KLF15: variants seen among roughly 807,000 people sequenced by gnomAD.
KLF15 encodes the protein Krueppel-like factor 15.
In KLF15, 4 loss-of-function variants were observed where a neutral mutation model predicts 24.6. The ratio of observed to expected loss-of-function variants is 0.16; its 90% CI spans 0.08 to 0.37. The LOEUF (loss-of-function observed/expected upper bound fraction) is 0.37. Ranked by LOEUF, KLF15 falls within the 10% of genes least tolerant of loss-of-function variation. The pLI is 1.00. For missense variants in KLF15, 496 were observed against 560.6 expected (o/e 0.88, Z 1.16); for synonymous variants, 246 against 236.3 (o/e 1.04, Z -0.37).
chr3:126,333,455 C>T, the KLF15 span, among the ~76,000 whole-genome samples: 21 of 147,992 alleles, frequency 1.4e-4, no homozygotes, highest in African/African-American at 4.5e-4. Flanking sequence ...CAGTACCAGC[C>T]GCTGCAAAAT....
At chr3:126,296,331 C>T in the KLF15 span, among the ~76,000 whole-genome samples, 1 of 152,168 alleles carries the variant, frequency 6.6e-6, no homozygotes, top group South Asian at 2.1e-4. Flanking sequence ...CCTCAGCCTC[C>T]TGAGTAGCTG....
At chr3:126,300,348 G>A in the KLF15 span, among the ~76,000 whole-genome samples, 171 of 152,310 alleles carry the variant, frequency 1.1e-3, 1 homozygote, top group Middle Eastern at 3.4e-3. Flanking sequence ...GCTCAGGCTG[G>A]CCCTCGCAGG....
chr3:126,309,748 C>T, the KLF15 span, among the ~76,000 whole-genome samples: 1 of 152,124 alleles, frequency 6.6e-6, no homozygotes, highest in Non-Finnish European at 1.5e-5. Flanking sequence ...GATCCTGGTG[C>T]CTCTTGTAGC....
At chr3:126,329,905 T>G in the KLF15 span, among the ~76,000 whole-genome samples, 1 of 152,088 alleles carries the variant, frequency 6.6e-6, no homozygotes, top group Non-Finnish European at 1.5e-5. Flanking sequence ...ATAAAAGTTA[T>G]GAACTCTACT....
At chr3:126,313,272 C>T in the KLF15 span, among the ~76,000 whole-genome samples, 1 of 152,188 alleles carries the variant, frequency 6.6e-6, no homozygotes, top group East Asian at 1.9e-4. Flanking sequence ...GAATCCAACC[C>T]TGCTGACGCA....
intron 2 of KLF15, among the ~76,000 whole-genome samples, chr3:126,348,423 G>A (rs1252398942): frequency 1.3e-5 from 2 of 152,108 alleles, no homozygotes; most frequent in African/African-American, 4.8e-5. Context: ...GTGGGAGACT[G>A]GAGGCACACA....
the KLF15 span, among the ~76,000 whole-genome samples, chr3:126,307,912 C>T: frequency 6.6e-5 from 10 of 152,260 alleles, no homozygotes; most frequent in East Asian, 1.7e-3. Flanking sequence ...ACCTCCTTAG[C>T]CCCCCTTGTC....
intron 1 of KLF15, among the ~76,000 whole-genome samples, 177 bp downstream of exon 1, chr3:126,357,060 C>G (rs1488504906): frequency 1.3e-5 from 2 of 151,574 alleles, no homozygotes; most frequent in Admixed American, 6.6e-5. Context: ...CCGGGCCAGT[C>G]CGACCCCTGC....
downstream of KLF15, among the ~76,000 whole-genome samples, chr3:126,342,095 T>C (rs1348104132): frequency 6.6e-6 from 1 of 152,140 alleles, no homozygotes; most frequent in African/African-American, 2.4e-5. Context: ...TTAGGGACGA[T>C]GGAGGACAGG....
At chr3:126,312,037 G>C in the KLF15 span, among the ~76,000 whole-genome samples, 6 of 152,282 alleles carry the variant, frequency 3.9e-5, no homozygotes, top group Admixed American at 2.6e-4. Flanking sequence ...GACCAGGCAG[G>C]CTGCAATCCC....
chr3:126,323,491 T>TATAAC, the KLF15 span, among the ~76,000 whole-genome samples: 1 of 23,238 alleles, frequency 4.3e-5, no homozygotes, highest in African/African-American at 2.0e-4. Context: ...ATATATAACA[T>TATAAC]ATATATATAT....
the KLF15 span, among the ~76,000 whole-genome samples, chr3:126,333,762 G>C: frequency 8.0e-6 from 1 of 124,942 alleles, no homozygotes; most frequent in Non-Finnish European, 1.7e-5. Flanking sequence ...AAACGGCAGG[G>C]GTTGCAATCC....
the KLF15 span, among the ~76,000 whole-genome samples, chr3:126,332,170 T>C: frequency 0.061 from 9,313 of 152,060 alleles, 977 homozygotes; most frequent in African/African-American, 0.21. Context: ...TAAGTGTCCC[T>C]GTCTGACAGC....
At position 126,352,898 on chromosome 3, in the gene KLF15, C is replaced by A; in HGVS notation, c.25G>T (p.Asp9Tyr). 6.2e-7 allele frequency: 1 copy of A among 1,609,214 alleles called. No individual in the cohort carries two copies. Among genetic ancestry groups the A allele is most frequent in the Non-Finnish European group, 8.5e-7 (1 of 1,177,732 alleles). Residue 9 changes from aspartate to tyrosine, a missense_variant, in exon 2 of 3, where the codon GAC (aspartate) becomes TAC (tyrosine). Asp to Tyr is a radical substitution (Grantham distance 160). Transcript: ENST00000296233. The part of the protein sequence containing the change: MVDHLLPV[D>Y]ENFSSPKCPV... ...CATTTTGGCGACGAGAAGTTCTCGT[C>A]CACTGGAAGTAAGTGGTCCACCATG...
chr3:126,293,619 C>G, the KLF15 span, among the ~76,000 whole-genome samples: 333 of 152,238 alleles, frequency 2.2e-3, 1 homozygote, highest in African/African-American at 7.6e-3. Context: ...CTCAGGTAGC[C>G]CCTTCCATGC....
At chr3:126,346,319 C>A (rs1269848877) in intron 2 of KLF15, among the ~76,000 whole-genome samples, 1 of 147,148 alleles carries the variant, frequency 6.8e-6, no homozygotes, top group Non-Finnish European at 1.5e-5. Flanking sequence ...ATCTCACTGG[C>A]CAGGGAACCA....
the KLF15 span, among the ~76,000 whole-genome samples, chr3:126,321,115 C>T: frequency 6.6e-6 from 1 of 152,122 alleles, no homozygotes; most frequent in Non-Finnish European, 1.5e-5. Flanking sequence ...TCACATCTGG[C>T]TACACAGGCA....
the KLF15 span, among the ~76,000 whole-genome samples, chr3:126,289,575 C>T: frequency 6.6e-6 from 1 of 152,182 alleles, no homozygotes; most frequent in Admixed American, 6.5e-5. Flanking sequence ...ATAAAGGAAA[C>T]GAATTTAAAA....
the KLF15 span, among the ~76,000 whole-genome samples, chr3:126,298,398 C>T: frequency 4.7e-5 from 7 of 147,430 alleles, no homozygotes; most frequent in Non-Finnish European, 1.0e-4. Flanking sequence ...TCCCACTTTG[C>T]GGGTTGTCTG....
Sources: gnomAD v4.1 joint callset for allele counts (sites outside exome capture counted in the v4.1 genomes callset) on GRCh38, gnomAD v4.1.1 for gene constraint, MANE v1.5 for transcripts, NCBI Gene and HGNC (gene_info 2026-07-23, HGNC 2026-07-21) for gene names.